The following UMAD1 variants were observed in gnomAD, a reference collection of about 807,000 sequenced individuals.
The protein encoded by UMAD1 is UBAP1-MVB12-associated (UMA) domain containing 1, also known as UBAP1-MVB12-associated (UMA)-domain containing protein 1.
A neutral mutation model predicts 6.1 loss-of-function variants in UMAD1; 8 were observed. The ratio of observed to expected loss-of-function variants is 1.30; its 90% CI spans 0.76 to 2.35. The LOEUF (loss-of-function observed/expected upper bound fraction) is 2.35. Ranked by LOEUF, UMAD1 falls within the 30% of genes most tolerant of loss-of-function variation. The probability of loss-of-function intolerance (pLI) is 0.00; values close to 1 mark genes in which losing one functional copy is unlikely to be tolerated. For missense variants in UMAD1, 130 were observed against 78.4 expected, an observed-to-expected ratio of 1.66 and a Z score of -2.49; for synonymous variants, 56 against 31.4, an observed-to-expected ratio of 1.78 and a Z score of -2.61.
chr7:7,865,563 GAGGTGAAC>G (rs1784210491), intron 3 of UMAD1, among the ~76,000 whole-genome samples: 1 of 152,136 alleles, frequency 6.6e-6, no homozygotes, highest in African/African-American at 2.4e-5. Context: ...TCCTCTAACA[GAGGTGAAC>G]AGCAATTAAA....
intron 3 of UMAD1, among the ~76,000 whole-genome samples, chr7:7,821,959 TTATTA>T (rs1783249742): frequency 6.6e-6 from 1 of 152,144 alleles, no homozygotes; most frequent in Non-Finnish European, 1.5e-5. Flanking sequence ...AATCTATCAC[TTATTA>T]TATTATTACA....
In UMAD1 at chr7:7,761,363, T is replaced by TAAAAAAAAAAAA. The variant is rs375910269; in HGVS notation, c.83-40306_83-40295dup. 4.6e-4 allele frequency among the ~76,000 whole-genome samples: 56 copies of TAAAAAAAAAAAA among 121,118 alleles called. 2 individuals are homozygous for TAAAAAAAAAAAA. The South Asian group carries it at 0.01, about 22-fold the overall frequency. 79.5% of individuals were successfully genotyped at this position (121,118 alleles called of 152,430 possible). ...CTGGGTGATAAAAGTGAGACCTAACTAAAAAAAAAAAAGTACCACTTCTTT... is the reference window on the plus strand; with the variant it reads ...CTGGGTGATAAAAGTGAGACCTAACTAAAAAAAAAAAAAAAAAAAAAAAAGTACCACTTCTTT... On this transcript the variant is annotated intron_variant, in intron 2 of 3. Transcript: ENST00000682710.
chr7:7,821,738 G>C (rs1481283620), intron 3 of UMAD1, among the ~76,000 whole-genome samples: 1 of 152,156 alleles, frequency 6.6e-6, no homozygotes, highest in Non-Finnish European at 1.5e-5. Context: ...CTTTGCGGTT[G>C]TGCAGCCAAA....
At chr7:7,746,809 A>G (rs1781581659) in intron 2 of UMAD1, among the ~76,000 whole-genome samples, 2 of 152,250 alleles carry the variant, frequency 1.3e-5, no homozygotes, top group African/African-American at 4.8e-5. Flanking sequence ...AGAATTTCAA[A>G]CACAACTTGA....
At chr7:7,766,167 A>C (rs1244078020) in intron 2 of UMAD1, among the ~76,000 whole-genome samples, 1 of 152,216 alleles carries the variant, frequency 6.6e-6, no homozygotes, top group African/African-American at 2.4e-5. Context: ...CAGCCTTGTC[A>C]ATAGCAGCAA....
chr7:7,847,098 AAAAAAAATATATATATAT>A lies in UMAD1; in HGVS notation c.157-30181_157-30164del, dbSNP rs1296328177. 4.3e-4 allele frequency among the ~76,000 whole-genome samples: 20 copies of A among 46,918 alleles called. 3 individuals carry two copies. Among genetic ancestry groups the A allele is most frequent in the African/African-American group, 3.2e-3 (20 of 6,302 alleles). The allele number at this position is 46,918 out of a possible 152,430, so 30.8% of individuals were successfully genotyped here. ...AAAAGACAGCAATGCAAAAAAAAAA[AAAAAAAATATATATATAT>A]ATATATATATATATATATATATATA... On this transcript the variant is annotated intron_variant, in intron 3 of 3. Transcript: ENST00000682710.
chr7:7,651,255 G>C (rs1785217472), intron 1 of UMAD1, among the ~76,000 whole-genome samples: 1 of 152,192 alleles, frequency 6.6e-6, no homozygotes, highest in Admixed American at 6.5e-5. Context: ...GTATATGTTA[G>C]TACTAGAGCT....
intron 2 of UMAD1, among the ~76,000 whole-genome samples, chr7:7,782,424 T>C (rs928637142): frequency 6.6e-6 from 1 of 152,186 alleles, no homozygotes; most frequent in Non-Finnish European, 1.5e-5. Context: ...GGGGTTGTCT[T>C]ATCTCATCTT....
intron 1 of UMAD1, among the ~76,000 whole-genome samples, chr7:7,666,909 A>G (rs28915072): frequency 0.059 from 8,936 of 152,200 alleles, 342 homozygotes; most frequent in Middle Eastern, 0.14. Flanking sequence ...AAGTTCAAGT[A>G]ATTCTCCTGC....
chr7:7,751,709 C>G (rs993723274), intron 2 of UMAD1, among the ~76,000 whole-genome samples: 1 of 152,042 alleles, frequency 6.6e-6, no homozygotes, highest in Non-Finnish European at 1.5e-5. Flanking sequence ...GCAAATTTAC[C>G]AGGAGTAAAT....
intron 3 of UMAD1, among the ~76,000 whole-genome samples, chr7:7,829,476 C>T (rs191001838): frequency 6.6e-6 from 1 of 151,734 alleles, no homozygotes; most frequent in South Asian, 2.1e-4. Context: ...TCATATAAAT[C>T]CCTGGATAAA....
intron 2 of UMAD1, among the ~76,000 whole-genome samples, chr7:7,769,528 T>C (rs1237743381): frequency 1.3e-5 from 2 of 152,170 alleles, no homozygotes; most frequent in Non-Finnish European, 2.9e-5. Flanking sequence ...ATATGATTCC[T>C]TCCCCAGTGA....
chr7:7,702,992 G>A (rs1368598834), intron 2 of UMAD1, among the ~76,000 whole-genome samples: 1 of 152,182 alleles, frequency 6.6e-6, no homozygotes, highest in African/African-American at 2.4e-5. Flanking sequence ...GCTCCTTGAA[G>A]CCATGCGAGC....
At chr7:7,778,487 G>C (rs1228318425) in intron 2 of UMAD1, among the ~76,000 whole-genome samples, 1 of 150,784 alleles carries the variant, frequency 6.6e-6, no homozygotes, top group East Asian at 1.9e-4. Context: ...GCAGGGGTGC[G>C]ATCACAGCTC....
intron 2 of UMAD1, among the ~76,000 whole-genome samples, chr7:7,753,050 C>A (rs1277887833): frequency 6.6e-6 from 1 of 152,132 alleles, no homozygotes. Context: ...ACCCCTCCTC[C>A]ACTCTCATTT....
chr7:7,649,192 A>G (rs1016511125), intron 1 of UMAD1, among the ~76,000 whole-genome samples: 6 of 151,804 alleles, frequency 4.0e-5, no homozygotes, highest in Non-Finnish European at 4.4e-5. Context: ...AAAGAAAAGA[A>G]TAAAAAAGGA....
At chr7:7,769,487 C>T (rs774986130) in intron 2 of UMAD1, among the ~76,000 whole-genome samples, 3 of 152,104 alleles carry the variant, frequency 2.0e-5, no homozygotes, top group Admixed American at 6.6e-5. Context: ...AGAGCCTCCC[C>T]CACTGACAGG....
At position 7,757,565 on chromosome 7, in the gene UMAD1, A is replaced by C. The variant is rs1050320302; in HGVS notation, c.83-44105A>C. On this transcript the variant is annotated intron_variant, in intron 2 of 3. Coordinates refer to ENST00000682710, the MANE Select transcript of UMAD1 (RefSeq NM_001302348.2). ...CATGCTTTGGAGCCAGATGTAAATG[A>C]GGTAACTTTTTTGAAGAGTTAGTTT... 5.3e-5 allele frequency among the ~76,000 whole-genome samples: 8 copies of C among 152,338 alleles called. No homozygotes were observed. The East Asian group carries it at 7.7e-4, about 15-fold the overall frequency.
intron 2 of UMAD1, among the ~76,000 whole-genome samples, chr7:7,800,167 G>C (rs547843124): frequency 6.6e-6 from 1 of 152,258 alleles, no homozygotes; most frequent in African/African-American, 2.4e-5. Context: ...ACAGGTGTGA[G>C]CCACCATGCC....
Sources: allele counts gnomAD v4.1 joint callset (sites outside exome capture counted in the v4.1 genomes callset), GRCh38; gene constraint gnomAD v4.1.1; transcripts MANE v1.5; gene names NCBI Gene and HGNC (gene_info 2026-07-23, HGNC 2026-07-21).